The following RB1 variants were observed in gnomAD, a reference collection of about 807,000 sequenced individuals.
RB1 encodes the protein retinoblastoma-associated protein.
In RB1, 18 loss-of-function variants were observed where a neutral mutation model predicts 135.4. The ratio of observed to expected loss-of-function variants is 0.13; its 90% CI spans 0.09 to 0.20. RB1 has a LOEUF of 0.20. RB1 is among the 10% of genes least tolerant of loss of function. RB1 has a pLI of 1.00. For missense variants in RB1, 868 were observed against 1,110.0 expected (o/e 0.78, Z 3.10); for synonymous variants, 365 against 373.2 (o/e 0.98, Z 0.25).
intron 17 of RB1, among the ~76,000 whole-genome samples, chr13:48,441,101 A>G (rs1301893305): frequency 6.6e-6 from 1 of 152,214 alleles, no homozygotes; most frequent in Non-Finnish European, 1.5e-5. Context: ...TATAAACAAC[A>G]GAAATGTATT....
intron 2 of RB1, among the ~76,000 whole-genome samples, chr13:48,320,828 C>T (rs1952228898): frequency 6.8e-6 from 1 of 146,788 alleles, no homozygotes; most frequent in East Asian, 2.0e-4. Context: ...GAGACTCCGT[C>T]TCAAAAAAGA....
chr13:48,398,703 AC>A, intron 17 of RB1, among the ~76,000 whole-genome samples: 1 of 152,210 alleles, frequency 6.6e-6, no homozygotes, highest in South Asian at 2.1e-4. Context: ...CTGTCACTGT[AC>A]TACATTATTT....
At chr13:48,412,955 A>G (rs975685804) in intron 17 of RB1, 4 of 169,518 alleles carry the variant, frequency 2.4e-5, no homozygotes, top group African/African-American at 9.6e-5. Flanking sequence ...CTTCTTTTAA[A>G]TGAAGTTTTC....
chr13:48,385,999 A>C (rs1453542374), intron 17 of RB1, among the ~76,000 whole-genome samples: 3 of 149,070 alleles, frequency 2.0e-5, no homozygotes, highest in Non-Finnish European at 4.4e-5. Context: ...TGAGCCCAGA[A>C]GTTCAAGACC....
intron 17 of RB1, among the ~76,000 whole-genome samples, chr13:48,446,563 TA>T (rs1949289231): frequency 6.6e-6 from 1 of 152,230 alleles, no homozygotes; most frequent in Middle Eastern, 3.4e-3. Context: ...GAGTAGCAAA[TA>T]AATGGGAATT....
chr13:48,361,741 A>G (rs1298385973), intron 7 of RB1, among the ~76,000 whole-genome samples: 2 of 152,096 alleles, frequency 1.3e-5, no homozygotes, highest in African/African-American at 4.8e-5. Context: ...AAACTCTTTT[A>G]AAAGTTTCTC....
chr13:48,318,459 T>C (rs1418658167), intron 2 of RB1: 28 of 1,386,102 alleles, frequency 2.0e-5, no homozygotes, highest in Non-Finnish European at 2.8e-5. Context: ...GCTCTCCTTC[T>C]CGTCCAGGTG....
At chr13:48,441,021 G>C (rs1949231706) in intron 17 of RB1, among the ~76,000 whole-genome samples, 1 of 152,182 alleles carries the variant, frequency 6.6e-6, no homozygotes, top group African/African-American at 2.4e-5. Flanking sequence ...TTAATCATTA[G>C]ATTTTCTGAA....
intron 18 of RB1, 131 bp from the exon 19 acceptor site, chr13:48,456,073 G>T: frequency 1.4e-6 from 2 of 1,457,772 alleles, no homozygotes; most frequent in Non-Finnish European, 1.8e-6. Flanking sequence ...TTCCCAGCTT[G>T]CATTTAAATA....
chr13:48,350,731 A>C (rs1249381013), intron 6 of RB1, among the ~76,000 whole-genome samples: 1 of 151,966 alleles, frequency 6.6e-6, no homozygotes, highest in Non-Finnish European at 1.5e-5. Flanking sequence ...CCCTCTTCCC[A>C]CTTTCCACCT....
intron 17 of RB1, among the ~76,000 whole-genome samples, chr13:48,407,636 G>A (rs899159409): frequency 2.0e-5 from 3 of 152,090 alleles, no homozygotes; most frequent in South Asian, 2.1e-4. Flanking sequence ...TACTCTGGTC[G>A]GTTTAGATAT....
intron 3 of RB1, 102 bp downstream of exon 3, chr13:48,342,816 A>G: frequency 1.3e-6 from 1 of 795,200 alleles, no homozygotes; most frequent in South Asian, 1.6e-5. Context: ...ATGCTAAAAT[A>G]AAGTAAAACA....
chr13:48,394,627 C>T (rs964012752), intron 17 of RB1, among the ~76,000 whole-genome samples: 1 of 152,134 alleles, frequency 6.6e-6, no homozygotes, highest in Non-Finnish European at 1.5e-5. Flanking sequence ...ACAAAGCCAC[C>T]AGGAAGTTCA....
At chr13:48,476,980 A>G (rs1185516031) in intron 25 of RB1, 137 bp downstream of exon 25, 1 of 1,148,994 alleles carries the variant, frequency 8.7e-7, no homozygotes, top group Non-Finnish European at 1.3e-6. Context: ...GCTCAAAATA[A>G]TAGATATGAG....
At chr13:48,351,405 G>A (rs185183041) in intron 6 of RB1, among the ~76,000 whole-genome samples, 1 of 152,094 alleles carries the variant, frequency 6.6e-6, no homozygotes, top group Non-Finnish European at 1.5e-5. Flanking sequence ...GTCTGTTCAT[G>A]TGCCTTGCCC....
chr13:48,443,267 A>C (rs760473471), intron 17 of RB1, among the ~76,000 whole-genome samples: 1 of 151,812 alleles, frequency 6.6e-6, no homozygotes, highest in East Asian at 1.9e-4. Context: ...TAAATGGATA[A>C]AGCTGAAAAA....
intron 8 of RB1, among the ~76,000 whole-genome samples, chr13:48,363,827 G>A (rs999839544): frequency 2.6e-5 from 4 of 152,044 alleles, no homozygotes; most frequent in African/African-American, 9.7e-5. Context: ...AAGCTTCCAG[G>A]GACTGATAGC....
chr13:48,349,725 C>A (rs771381246), intron 6 of RB1, among the ~76,000 whole-genome samples: 1 of 151,966 alleles, frequency 6.6e-6, no homozygotes, highest in Non-Finnish European at 1.5e-5. Flanking sequence ...GGACTAAAGT[C>A]TCTAATTAAA....
intron 2 of RB1, among the ~76,000 whole-genome samples, chr13:48,337,954 G>A (rs999935950): frequency 6.6e-6 from 1 of 152,180 alleles, no homozygotes; most frequent in Non-Finnish European, 1.5e-5. Flanking sequence ...AGTTTGGCTG[G>A]ATATGAAATT....
Sources: allele counts gnomAD v4.1 joint callset (sites outside exome capture counted in the v4.1 genomes callset), GRCh38; gene constraint gnomAD v4.1.1; transcripts MANE v1.5; gene names NCBI Gene and HGNC (gene_info 2026-07-23, HGNC 2026-07-21).